ATOH8: variants seen among roughly 807,000 people sequenced by gnomAD.
ATOH8 encodes the protein atonal bHLH transcription factor 8, also known as transcription factor ATOH8.
In ATOH8, 9 loss-of-function variants were observed where a neutral mutation model predicts 21.2. That is an observed-to-expected ratio of 0.42 (90% CI 0.26 to 0.74). The LOEUF is 0.74. ATOH8 is among the 30% of genes least tolerant of loss of function. The pLI is 0.24. For synonymous variants in ATOH8, 253 were observed against 224.0 expected, an observed-to-expected ratio of 1.13 and a Z score of -1.16; for missense variants, 524 against 470.9, an observed-to-expected ratio of 1.11 and a Z score of -1.04.
intron 2 of ATOH8, among the ~76,000 whole-genome samples, chr2:85,784,419 G>A (rs1283284090): frequency 6.6e-6 from 1 of 152,062 alleles, no homozygotes; most frequent in Non-Finnish European, 1.5e-5. Context: ...GTGCATGCCT[G>A]TAGTCCCAGC....
At chr2:85,762,196 G>T (rs1429707165) in intron 1 of ATOH8, among the ~76,000 whole-genome samples, 1 of 152,174 alleles carries the variant, frequency 6.6e-6, no homozygotes, top group Non-Finnish European at 1.5e-5. Context: ...GATCAGTCCT[G>T]TTCCCAATAT....
intron 2 of ATOH8, among the ~76,000 whole-genome samples, chr2:85,770,204 G>GC (rs56992852): frequency 0.041 from 6,257 of 152,256 alleles, 448 homozygotes; most frequent in African/African-American, 0.14. Context: ...GACTGGTGTT[G>GC]TCTGATGCAC....
At chr2:85,762,219 G>A (rs761030523) in intron 1 of ATOH8, among the ~76,000 whole-genome samples, 3 of 152,168 alleles carry the variant, frequency 2.0e-5, no homozygotes, top group East Asian at 1.9e-4. Context: ...CAAGGAAACC[G>A]AGGCTCAGAA....
At chr2:85,780,504 C>T (rs2104532744) in intron 2 of ATOH8, 1 of 152,492 alleles carries the variant, frequency 6.6e-6, no homozygotes, top group South Asian at 2.1e-4. Context: ...GTCTGCACAG[C>T]ACGGCTGAGG....
chr2:85,754,287 C>A lies in ATOH8; in HGVS notation c.98C>A (p.Pro33Gln), dbSNP rs749533778. Residue 33 changes from proline (P) to glutamine (Q), a missense_variant, in exon 1 of 3, where the codon CCG (proline) becomes CAG (glutamine). Transcript: ENST00000306279. ...LKKLKRKGKE[P>Q]ARRANGYKTF... ...AAGCTCAAGCGGAAAGGCAAGGAGC[C>A]GGCGCGGCGCGCGAACGGCTATAAA... 1 of 1,610,056 alleles carries A rather than the reference C, an allele frequency of 6.2e-7. No individual in the cohort carries two copies. The highest frequency in any genetic ancestry group is 8.5e-7 in the Non-Finnish European group (1 of 1,178,876).
At chr2:85,779,122 C>T (rs1680414996) in intron 2 of ATOH8, among the ~76,000 whole-genome samples, 1 of 152,280 alleles carries the variant, frequency 6.6e-6, no homozygotes, top group Non-Finnish European at 1.5e-5. Flanking sequence ...GATGCCTCTT[C>T]TGGCTCTGCA....
chr2:85,777,597 C>T (rs573801187), intron 2 of ATOH8, among the ~76,000 whole-genome samples: 1 of 152,280 alleles, frequency 6.6e-6, no homozygotes, highest in Non-Finnish European at 1.5e-5. Context: ...CCAGTAATGT[C>T]GGGCTGAGAA....
Position 85,754,057 on chromosome 2 carries a change from C to T in ATOH8, c.-133C>T. Reference sequence around the variant, plus strand: ...CTTCCCGAAGCCGGCGGCGCAGCTGCCCGGGGCGAGGGGGAGAAAGGGAGA... The same window carrying T: ...CTTCCCGAAGCCGGCGGCGCAGCTGTCCGGGGCGAGGGGGAGAAAGGGAGA... On this transcript the variant is annotated 5_prime_UTR_variant, in exon 1 of 3. Transcript: ENST00000306279. The T allele has an allele frequency of 8.6e-7, 1 of 1,168,186 alleles. No homozygotes were observed. Among genetic ancestry groups the T allele is most frequent in the Non-Finnish European group, 1.1e-6 (1 of 889,416 alleles). The allele number at this position is 1,168,186 out of a possible 1,614,324, so 72.4% of individuals were successfully genotyped here. A position where few individuals can be genotyped will look rare whatever the true frequency, so the allele number is the denominator to read the frequency against.
At chr2:85,757,786 A>AT (rs11398141) in intron 1 of ATOH8, among the ~76,000 whole-genome samples, 96,561 of 138,714 alleles carry the variant, frequency 0.7, 35,522 homozygotes, top group Non-Finnish European at 0.83. Context: ...CTTTCATTTC[A>AT]TTTTTTTTTT....
intron 1 of ATOH8, among the ~76,000 whole-genome samples, chr2:85,757,777 T>C (rs907427465): frequency 3.8e-5 from 5 of 133,086 alleles, no homozygotes; most frequent in Non-Finnish European, 6.3e-5. Flanking sequence ...TGAACATTTC[T>C]TTCATTTCAT....
intron 2 of ATOH8, among the ~76,000 whole-genome samples, chr2:85,769,266 G>A (rs905794402): frequency 6.6e-6 from 1 of 152,216 alleles, no homozygotes; most frequent in African/African-American, 2.4e-5. Context: ...GGCAATAAAT[G>A]GCCAGTAAGT....
rs111961860 is a variant in ATOH8 at position 85,756,360 on chromosome 2, C to G, written c.768+1403C>G. ...GGCGGTGCGTGGGGGATCCTGCAAC[C>G]CACTCCCCAGGACAGAAGGATAACA... On this transcript the variant is annotated intron_variant, in intron 1 of 2. Coordinates refer to ENST00000306279, the MANE Select transcript of ATOH8 (RefSeq NM_032827.7). 2.1e-3 allele frequency among the ~76,000 whole-genome samples: 327 copies of G among 152,242 alleles called. 1 individual carries two copies. The highest frequency in any genetic ancestry group is 7.5e-3 in the African/African-American group (313 of 41,540).
chr2:85,754,198 C>T lies in ATOH8; in HGVS notation c.9C>T (p.His3=), dbSNP rs760978055. The change falls in exon 1 of 3, where the codon CAC becomes CAT. Residue 3 remains histidine, a synonymous_variant. Coordinates refer to ENST00000306279, the MANE Select transcript of ATOH8 (RefSeq NM_032827.7). MK[H]IPVLEDGPWK... ...CGCGCGCCGCCCGCGCCATGAAGCA[C>T]ATCCCGGTCCTCGAGGACGGGCCGT... 1.9e-6 allele frequency: 3 copies of T among 1,593,438 alleles called. No homozygotes were observed. The Admixed American group carries it at 5.1e-5, about 27-fold the overall frequency.
chr2:85,767,562 T>TTCCCCTTCCC (rs1553393137), intron 2 of ATOH8, among the ~76,000 whole-genome samples: 14 of 20,506 alleles, frequency 6.8e-4, no homozygotes, highest in Non-Finnish European at 1.3e-3. Flanking sequence ...GTATTCCCTC[T>TTCCCCTTCCC]TCCCCTCCCC....
intron 1 of ATOH8, among the ~76,000 whole-genome samples, chr2:85,756,761 C>A (rs1301966232): frequency 6.6e-6 from 1 of 152,158 alleles, no homozygotes; most frequent in East Asian, 1.9e-4. Context: ...GGGAAGATAA[C>A]AGCAGTTTCT....
chr2:85,757,397 G>A (rs1384727837), intron 1 of ATOH8, among the ~76,000 whole-genome samples: 3 of 152,214 alleles, frequency 2.0e-5, no homozygotes, highest in Non-Finnish European at 4.4e-5. Context: ...GAATCCAGAC[G>A]AGCTGCAGCT....
At chr2:85,772,792 A>G (rs1558614145) in intron 2 of ATOH8, 1 of 456,168 alleles carries the variant, frequency 2.2e-6, no homozygotes, top group Non-Finnish European at 4.4e-6. Flanking sequence ...TTTTCTCTTG[A>G]CTTTTTATCT....
At chr2:85,782,456 AT>A (rs35152195) in intron 2 of ATOH8, among the ~76,000 whole-genome samples, 55,411 of 150,292 alleles carry the variant, frequency 0.37, 11,186 homozygotes, top group African/African-American at 0.54. Flanking sequence ...AACAATTAGA[AT>A]TTTTTTTTTT....
intron 2 of ATOH8, among the ~76,000 whole-genome samples, chr2:85,777,668 CAT>C (rs1004326095): frequency 3.9e-5 from 6 of 152,222 alleles, no homozygotes; most frequent in South Asian, 2.1e-4. Flanking sequence ...GCACAGAAAA[CAT>C]GTGGCTTCCT....
Sources: gnomAD v4.1 joint callset for allele counts (sites outside exome capture counted in the v4.1 genomes callset) on GRCh38, gnomAD v4.1.1 for gene constraint, MANE v1.5 for transcripts, NCBI Gene and HGNC (gene_info 2026-07-23, HGNC 2026-07-21) for gene names.